PACSIN2: variants seen among roughly 807,000 people sequenced by gnomAD.
The protein encoded by PACSIN2 is protein kinase C and casein kinase substrate in neurons protein 2.
In PACSIN2, 25 loss-of-function variants were observed where a neutral mutation model predicts 63.8. That is an observed-to-expected ratio of 0.39 (90% CI 0.29 to 0.55). PACSIN2 has a LOEUF of 0.55. Ranked by LOEUF, PACSIN2 falls within the 20% of genes least tolerant of loss-of-function variation. The pLI is 0.62. For synonymous variants in PACSIN2, 255 were observed against 256.2 expected (o/e 1.00, Z 0.05); for missense variants, 518 against 646.9 (o/e 0.80, Z 2.16).
intron 1 of PACSIN2, among the ~76,000 whole-genome samples, chr22:42,966,647 G>A (rs899365140): frequency 2.2e-4 from 33 of 152,280 alleles, no homozygotes; most frequent in African/African-American, 7.9e-4. Flanking sequence ...TGTGATAGAG[G>A]GAACATGTTA....
chr22:42,971,883 G>A (rs1048668305), intron 1 of PACSIN2, among the ~76,000 whole-genome samples: 1 of 151,102 alleles, frequency 6.6e-6, no homozygotes, highest in African/African-American at 2.4e-5. Flanking sequence ...AGCCCCGTTC[G>A]GGAGGTGGGG....
At chr22:42,945,397 C>G (rs982410586) in intron 1 of PACSIN2, among the ~76,000 whole-genome samples, 5 of 152,078 alleles carry the variant, frequency 3.3e-5, no homozygotes, top group African/African-American at 9.7e-5. Context: ...TCTTCTGTGC[C>G]CACACACCAA....
Position 42,882,169 on chromosome 22 carries a change from A to G in PACSIN2, c.906+15T>C. ...CTTCCAGGCTGATGAGCTCATGGGC[A>G]CACCCTCCTCTTACCTCAAACTGCG... On this transcript the variant is annotated intron_variant, in intron 7 of 10. Coordinates refer to ENST00000263246, the MANE Select transcript of PACSIN2 (RefSeq NM_001184970.3). 6.2e-7 allele frequency: 1 copy of G among 1,613,902 alleles called. No individual in the cohort carries two copies.
At chr22:42,875,007 C>T (rs1055779775) in intron 10 of PACSIN2, among the ~76,000 whole-genome samples, 49 of 151,994 alleles carry the variant, frequency 3.2e-4, no homozygotes, top group Non-Finnish European at 5.6e-4. Context: ...GCTGCCACCA[C>T]GCCCGGCTAA....
chr22:42,890,678 G>A (rs922165594), intron 4 of PACSIN2, among the ~76,000 whole-genome samples: 1 of 152,198 alleles, frequency 6.6e-6, no homozygotes, highest in African/African-American at 2.4e-5. Context: ...TTGCACCACT[G>A]CACTCCAGCC....
At chr22:42,961,438 A>G (rs1160504718) in intron 1 of PACSIN2, among the ~76,000 whole-genome samples, 1 of 136,092 alleles carries the variant, frequency 7.3e-6, no homozygotes, top group Non-Finnish European at 1.5e-5. Flanking sequence ...ACACCCAAGA[A>G]TGATCAATTA....
At chr22:42,990,635 CATGGGAGAA>C (rs576055848) in intron 1 of PACSIN2, among the ~76,000 whole-genome samples, 33 of 152,226 alleles carry the variant, frequency 2.2e-4, no homozygotes, top group African/African-American at 7.9e-4. Flanking sequence ...ACAAGATTTG[CATGGGAGAA>C]ATGCAAGAAG....
In PACSIN2 at chr22:42,893,322, TG is replaced by T. The variant is rs533037689; in HGVS notation, c.217+134del. The T allele has an allele frequency of 4.1e-4, 365 of 887,984 alleles. 2 individuals carry two copies. The African/African-American group carries it at 5.6e-3, about 14-fold the overall frequency. 55.0% of individuals were successfully genotyped at this position (887,984 alleles called of 1,614,324 possible). A position where few individuals can be genotyped will look rare whatever the true frequency, so the allele number is the denominator to read the frequency against. On this transcript the variant is annotated intron_variant, in intron 3 of 10. Coordinates refer to ENST00000263246, the MANE Select transcript of PACSIN2 (RefSeq NM_001184970.3). ...TCCCCATAAAAATCACACCCCGCTC[TG>T]GAACTGGGAAATGCACTCTTGCCCC...
intron 1 of PACSIN2, among the ~76,000 whole-genome samples, chr22:42,940,979 T>C (rs958805304): frequency 2.6e-5 from 4 of 152,216 alleles, no homozygotes; most frequent in African/African-American, 9.7e-5. Flanking sequence ...TGCCACATCA[T>C]GACAATCATT....
chr22:42,889,698 A>G (rs1929763651), intron 4 of PACSIN2, among the ~76,000 whole-genome samples: 1 of 152,228 alleles, frequency 6.6e-6, no homozygotes, highest in Non-Finnish European at 1.5e-5. Context: ...ACTCCATTCC[A>G]GCTAGGAATG....
chr22:42,995,769 T>C lies in PACSIN2; in HGVS notation c.-78+19252A>G, dbSNP rs1406184487. 2.6e-5 allele frequency among the ~76,000 whole-genome samples: 4 copies of C among 152,196 alleles called. No individual in the cohort carries two copies. The East Asian group carries it at 7.7e-4, about 29-fold the overall frequency. On this transcript the variant is annotated intron_variant, in intron 1 of 10. Transcript: ENST00000263246. ...TCCTTGAGAAAGGCAATTTGATTGT[T>C]AAAAGAAACAGTGGCCAGGCACAGT...
intron 1 of PACSIN2, among the ~76,000 whole-genome samples, chr22:42,950,955 T>C (rs1285178843): frequency 1.3e-5 from 2 of 151,928 alleles, no homozygotes; most frequent in African/African-American, 2.4e-5. Context: ...GGGGAAAGCA[T>C]GAAGCCAAGT....
At chr22:42,905,896 A>C (rs1271070662) in intron 2 of PACSIN2, among the ~76,000 whole-genome samples, 1 of 152,204 alleles carries the variant, frequency 6.6e-6, no homozygotes, top group African/African-American at 2.4e-5. Context: ...GCTGGAACAC[A>C]GCAGGAGAGG....
At chr22:42,933,440 C>G (rs534950804) in intron 1 of PACSIN2, among the ~76,000 whole-genome samples, 1 of 152,314 alleles carries the variant, frequency 6.6e-6, no homozygotes, top group East Asian at 1.9e-4. Flanking sequence ...AGCCTCAATT[C>G]AAGTCCAAAA....
intron 1 of PACSIN2, among the ~76,000 whole-genome samples, chr22:43,014,601 C>T (rs1418646044): frequency 6.6e-6 from 1 of 152,008 alleles, no homozygotes; most frequent in Non-Finnish European, 1.5e-5. Context: ...AAATCGCGTC[C>T]CTCCAAAAGT....
chr22:42,945,861 GT>G (rs1933394513), intron 1 of PACSIN2: 1 of 152,442 alleles, frequency 6.6e-6, no homozygotes, highest in Admixed American at 6.5e-5. Context: ...TGGTTGGAAT[GT>G]CTTCTGGAAA....
chr22:42,949,500 C>T (rs562066413), intron 1 of PACSIN2, among the ~76,000 whole-genome samples: 11 of 152,098 alleles, frequency 7.2e-5, no homozygotes, highest in South Asian at 2.1e-4. Flanking sequence ...ATGCTAGCTG[C>T]CTAATAAACA....
chr22:42,939,386 T>C (rs1300167258), intron 1 of PACSIN2, among the ~76,000 whole-genome samples: 1 of 152,226 alleles, frequency 6.6e-6, no homozygotes, highest in African/African-American at 2.4e-5. Context: ...ATGACACTTT[T>C]TCAAATTTGA....
intron 2 of PACSIN2, among the ~76,000 whole-genome samples, chr22:42,903,400 AT>A (rs1930840932): frequency 6.6e-6 from 1 of 152,214 alleles, no homozygotes; most frequent in African/African-American, 2.4e-5. Context: ...GACTGTTGAT[AT>A]TAGGGTTGTG....
Sources: allele counts gnomAD v4.1 joint callset (sites outside exome capture counted in the v4.1 genomes callset), GRCh38; gene constraint gnomAD v4.1.1; transcripts MANE v1.5; gene names NCBI Gene and HGNC (gene_info 2026-07-23, HGNC 2026-07-21).